The following CFAP20DC variants were observed in gnomAD, a reference collection of about 807,000 sequenced individuals.
The protein encoded by CFAP20DC is CFAP20 domain containing, also known as protein CFAP20DC.
CFAP20DC carries 84 observed loss-of-function variants against 101.7 expected under a neutral mutation model. The ratio of observed to expected loss-of-function variants is 0.83; its 90% CI spans 0.69 to 0.99. The LOEUF (loss-of-function observed/expected upper bound fraction) is 0.99, where lower values mean the gene tolerates loss of function less well. Ranked by LOEUF, CFAP20DC falls within the 50% of genes least tolerant of loss-of-function variation. The pLI, the probability that CFAP20DC is intolerant of heterozygous loss-of-function variation, is 0.00. For missense variants in CFAP20DC, 1,007 were observed against 970.3 expected, an observed-to-expected ratio of 1.04 and a Z score of -0.50; for synonymous variants, 359 against 351.2, an observed-to-expected ratio of 1.02 and a Z score of -0.25.
At chr3:58,970,407 A>T (rs2091883137) in intron 4 of CFAP20DC, 1 of 152,216 alleles carries the variant, frequency 6.6e-6, no homozygotes, top group South Asian at 2.1e-4. Flanking sequence ...CGACAATGGA[A>T]GCAGAGATTG....
rs2091922497 is a variant in CFAP20DC at position 58,971,122 on chromosome 3, G to T, written c.279-33360C>A. Among the ~76,000 whole-genome samples, 1 of 152,120 alleles carries T rather than the reference G, an allele frequency of 6.6e-6. No homozygotes were observed. The highest frequency in any genetic ancestry group is 2.1e-4 in the South Asian group (1 of 4,824). On this transcript the variant is annotated intron_variant, in intron 4 of 16. Transcript: ENST00000482387. This position sits in a 1 kb window ranked among gnomAD's most constrained non-coding sequence, Gnocchi z 4.1. ...AACCTTTTGTTAATACACAGATGTA[G>T]GACATTGCTTGTTCCAGCTAATTGA...
intron 4 of CFAP20DC, among the ~76,000 whole-genome samples, chr3:58,968,393 A>G (rs968756737): frequency 1.1e-4 from 17 of 152,090 alleles, no homozygotes; most frequent in African/African-American, 4.1e-4. Flanking sequence ...ACTTTTTAAC[A>G]ATAGCCATTC....
intron 15 of CFAP20DC, among the ~76,000 whole-genome samples, chr3:58,775,839 G>A (rs1199056175): frequency 6.7e-6 from 1 of 149,376 alleles, no homozygotes; most frequent in Non-Finnish European, 1.5e-5. Flanking sequence ...TCCACCTCCC[G>A]GGTTCAAGCG....
rs2093440963 is a variant in CFAP20DC, at chr3:59,006,675, G to A, written c.278+32882C>T. Among the ~76,000 whole-genome samples, 1 of 152,204 alleles carries A rather than the reference G, an allele frequency of 6.6e-6. No individual in the cohort carries two copies. Among genetic ancestry groups the A allele is most frequent in the Non-Finnish European group, 1.5e-5 (1 of 68,038 alleles). Reference sequence around the variant, plus strand: ...TAGGCAGTCCCATTCTCCAGCTTGAGCCCAGGGAAGCCAACCCTGACAATA... The same window carrying A: ...TAGGCAGTCCCATTCTCCAGCTTGAACCCAGGGAAGCCAACCCTGACAATA... On this transcript the variant is annotated intron_variant, in intron 4 of 16. Coordinates refer to ENST00000482387, the MANE Select transcript of CFAP20DC (RefSeq NM_001394063.1). This position sits in a 1 kb window ranked among gnomAD's most constrained non-coding sequence, Gnocchi z 4.3.
In CFAP20DC at chr3:58,882,851, T is replaced by C. The variant is rs1412195684; in HGVS notation, c.715+1694A>G. Among the ~76,000 whole-genome samples, 2 of 152,200 alleles carry C rather than the reference T, an allele frequency of 1.3e-5. No individual in the cohort carries two copies. Among genetic ancestry groups the C allele is most frequent in the East Asian group, 3.8e-4 (2 of 5,202 alleles). On this transcript the variant is annotated intron_variant, in intron 7 of 16. Transcript: ENST00000482387. The surrounding 1 kb of genome is among the most constrained non-coding windows in gnomAD (Gnocchi z 4.2). ...TGATTGGGTACACAGGGGTTGTTCA[T>C]CATACATTCTCTCGAATTTTCTGTA...
chr3:58,866,595 G>A lies in CFAP20DC; in HGVS notation c.1229C>T (p.Thr410Ile). Residue 410 changes from threonine to isoleucine, a missense_variant, in exon 11 of 17, where the codon ACT becomes ATT. Transcript: ENST00000482387. ...QQGAELLNSG[T>I]LGPQSPDQSD... ...TTGATCAGGAGACTGGGGTCCTAGA[G>A]TGCCGGAGTTCAACAGCTCTGCTCC... is the stretch of plus-strand genomic sequence containing the variant. 2 of 1,612,798 alleles carry A rather than the reference G, an allele frequency of 1.2e-6. No homozygotes were observed. Among genetic ancestry groups the A allele is most frequent in the South Asian group, 2.2e-5 (2 of 90,962 alleles).
At chr3:58,936,147 T>A (rs1255508411) in intron 5 of CFAP20DC, among the ~76,000 whole-genome samples, 1 of 152,176 alleles carries the variant, frequency 6.6e-6, no homozygotes, top group Non-Finnish European at 1.5e-5. Flanking sequence ...AGAAGACATT[T>A]ATGCAGCCAA....
At chr3:58,935,107 C>A (rs1413453504) in intron 5 of CFAP20DC, among the ~76,000 whole-genome samples, 1 of 152,190 alleles carries the variant, frequency 6.6e-6, no homozygotes, top group Admixed American at 6.5e-5. Flanking sequence ...GCAAAAATCA[C>A]AAGCATTCTT....
In CFAP20DC at chr3:59,015,673, A is replaced by G. The variant is rs569487563; in HGVS notation, c.278+23884T>C. Among the ~76,000 whole-genome samples the G allele has an allele frequency of 3.3e-5, 5 of 152,218 alleles. No homozygotes were observed. The highest frequency in any genetic ancestry group is 5.9e-5 in the Non-Finnish European group (4 of 67,988). On this transcript the variant is annotated intron_variant, in intron 4 of 16. Coordinates refer to ENST00000482387, the MANE Select transcript of CFAP20DC (RefSeq NM_001394063.1). This position sits in a 1 kb window ranked among gnomAD's most constrained non-coding sequence, Gnocchi z 5.4. ...CTTTAGGAATTAGTTGCATTCCTGA[A>G]TGTCTTTCATAAAAGTACATAATAC...
intron 15 of CFAP20DC, among the ~76,000 whole-genome samples, chr3:58,790,797 GTA>G (rs978690583): frequency 2.6e-5 from 4 of 152,126 alleles, no homozygotes; most frequent in Non-Finnish European, 5.9e-5. Context: ...AAATTAAAAG[GTA>G]TCCAAAGGAC....
In CFAP20DC at chr3:58,866,615, T is replaced by C. The variant is rs370076618; in HGVS notation, c.1209A>G (p.Ala403=). ...CTAGAGTGCCGGAGTTCAACAGCTC[T>C]GCTCCTTGTTGGGACACAGTGGTGA... ...TILTTVSQQG[A]ELLNSGTLGP... is the part of the protein sequence containing the mutation. The change falls in exon 11 of 17, where the codon GCA becomes GCG. Residue 403 remains alanine, a synonymous_variant. Transcript: ENST00000482387. The C allele has an allele frequency of 5.6e-6, 9 of 1,612,088 alleles. No individual in the cohort carries two copies. Among genetic ancestry groups the C allele is most frequent in the Non-Finnish European group, 7.6e-6 (9 of 1,178,388 alleles).
chr3:58,767,777 C>T (rs537615210), intron 15 of CFAP20DC, among the ~76,000 whole-genome samples: 1 of 152,178 alleles, frequency 6.6e-6, no homozygotes, highest in Non-Finnish European at 1.5e-5. Context: ...TAACCAGATT[C>T]TTAATATTGA....
intron 3 of CFAP20DC, among the ~76,000 whole-genome samples, chr3:58,730,074 T>C (rs1200460899): frequency 1.3e-5 from 2 of 150,474 alleles, no homozygotes; most frequent in African/African-American, 4.9e-5. Context: ...TTTCAGCAGG[T>C]GACACAATAT....
rs143190526 is a variant in CFAP20DC, at chr3:58,724,810, G to A, written c.198-7182C>T. On this transcript the variant is annotated intron_variant, in intron 3 of 3. Transcript: ENST00000486145. The surrounding 1 kb of genome is among the most constrained non-coding windows in gnomAD (Gnocchi z 5.6). Reference sequence around the variant, plus strand: ...GCCACCGGACTTCGGGTACCCTACGGGTGGGTGGTGTTGAGGCTGGTCCCC... The same window carrying A: ...GCCACCGGACTTCGGGTACCCTACGAGTGGGTGGTGTTGAGGCTGGTCCCC... Among the ~76,000 whole-genome samples, 113 of 152,178 alleles carry A rather than the reference G, an allele frequency of 7.4e-4. 1 individual carries two copies. In the South Asian group the frequency reaches 0.01, roughly 14 times the overall value.
At chr3:58,866,414 T>C in intron 11 of CFAP20DC, 152 bp downstream of exon 11, 1 of 574,638 alleles carries the variant, frequency 1.7e-6, no homozygotes, top group South Asian at 3.0e-5. Context: ...AAGTTTGACA[T>C]AAAATTGAGG....
Position 58,918,417 on chromosome 3 carries a change from C to T in CFAP20DC, c.394-4553G>A, listed in dbSNP as rs781460812. On this transcript the variant is annotated intron_variant, in intron 5 of 16. Transcript: ENST00000482387. ...ATCCACACCATCCTCTAATCACATT[C>T]CTGAAAAAAGCTGGAACCAGGTTCA... is the stretch of plus-strand genomic sequence containing the variant. Among the ~76,000 whole-genome samples the T allele has an allele frequency of 3.9e-5, 6 of 152,250 alleles. No homozygotes were observed. The East Asian group carries it at 1.2e-3, about 29-fold the overall frequency.
At chr3:58,943,450 A>C (rs1186936626) in intron 4 of CFAP20DC, among the ~76,000 whole-genome samples, 1 of 152,090 alleles carries the variant, frequency 6.6e-6, no homozygotes, top group East Asian at 1.9e-4. Flanking sequence ...GTGGACCTTC[A>C]GAAAACTTCA....
rs1316807750 is a variant in CFAP20DC at position 58,732,081 on chromosome 3, T to A, written c.198-14453A>T. Among the ~76,000 whole-genome samples, 1 of 152,158 alleles carries A rather than the reference T, an allele frequency of 6.6e-6. No individual in the cohort carries two copies. Among genetic ancestry groups the A allele is most frequent in the Admixed American group, 6.5e-5 (1 of 15,282 alleles). On this transcript the variant is annotated intron_variant, in intron 3 of 3. Transcript: ENST00000486145. The surrounding 1 kb of genome is among the most constrained non-coding windows in gnomAD (Gnocchi z 5.4). ...GCTTGGGAGTGCAGTGAGAGCTCAA[T>A]AAATGGTTGTGCTGACAATAAAGAT...
rs565627880 is a variant in CFAP20DC at position 58,760,479 on chromosome 3, A to G, written c.2238-6616T>C. Among the ~76,000 whole-genome samples the G allele has an allele frequency of 3.3e-5, 5 of 152,300 alleles. No individual in the cohort carries two copies. In the South Asian group the frequency reaches 1.0e-3, roughly 32 times the overall value. On this transcript the variant is annotated intron_variant, in intron 15 of 16. Coordinates refer to ENST00000482387, the MANE Select transcript of CFAP20DC (RefSeq NM_001394063.1). The stretch of plus-strand genomic sequence containing the variant: ...TAGATATACAATCATGTCATCTGCA[A>G]ACAGGGACAATTTGACTTCCTCTTT...
Sources: allele counts gnomAD v4.1 joint callset (sites outside exome capture counted in the v4.1 genomes callset), GRCh38; gene constraint gnomAD v4.1.1; non-coding constraint Gnocchi (gnomAD v3.1); transcripts MANE v1.5; gene names NCBI Gene and HGNC (gene_info 2026-07-23, HGNC 2026-07-21).